PNLIPRP3: variants seen among roughly 807,000 people sequenced by gnomAD.
PNLIPRP3 encodes pancreatic lipase related protein 3.
Under a neutral mutation model 52.8 loss-of-function variants are expected in PNLIPRP3, and 58 were observed. The observed-to-expected ratio is 1.10, with a 90% CI of 0.89 to 1.37. The LOEUF is 1.37. PNLIPRP3 is among the 40% of genes most tolerant of loss of function. The pLI, the probability that PNLIPRP3 is intolerant of heterozygous loss-of-function variation, is 0.00. For synonymous variants in PNLIPRP3, 192 were observed against 185.0 expected (o/e 1.04, Z -0.31); for missense variants, 593 against 561.6 (o/e 1.06, Z -0.57).
chr10:116,470,537 T>C (rs1311857048), intron 9 of PNLIPRP3, among the ~76,000 whole-genome samples: 1 of 145,960 alleles, frequency 6.9e-6, no homozygotes, highest in Non-Finnish European at 1.5e-5. Context: ...TGAGATGGAG[T>C]CTTGCTCTGT....
intron 2 of PNLIPRP3, chr10:116,439,343 C>A (rs1845824313): frequency 4.6e-6 from 2 of 431,386 alleles, no homozygotes; most frequent in Admixed American, 2.9e-5. Context: ...TGATCATGAT[C>A]AAATTTTGTA....
intron 4 of PNLIPRP3, among the ~76,000 whole-genome samples, chr10:116,450,565 G>A (rs1469063516): frequency 1.3e-5 from 2 of 151,970 alleles, no homozygotes. Flanking sequence ...CAAACCTTTA[G>A]CTAGACTAAA....
At chr10:116,471,311 T>G (rs1846368554) in intron 9 of PNLIPRP3, among the ~76,000 whole-genome samples, 1 of 152,166 alleles carries the variant, frequency 6.6e-6, no homozygotes, top group South Asian at 2.1e-4. Context: ...ATGACTCACT[T>G]TGCCTCTAAA....
chr10:116,441,647 T>C (rs534575850), intron 2 of PNLIPRP3, among the ~76,000 whole-genome samples: 3 of 152,296 alleles, frequency 2.0e-5, no homozygotes, highest in African/African-American at 7.2e-5. Context: ...GTTTGGGCCC[T>C]ATCAGCAGAG....
At chr10:116,468,401 G>A (rs1846314213) in intron 8 of PNLIPRP3, among the ~76,000 whole-genome samples, 1 of 152,134 alleles carries the variant, frequency 6.6e-6, no homozygotes, top group Admixed American at 6.5e-5. Flanking sequence ...TGATTTTCCA[G>A]AAACACTAGC....
intron 9 of PNLIPRP3, among the ~76,000 whole-genome samples, chr10:116,470,769 A>G (rs760634408): frequency 5.3e-5 from 8 of 152,094 alleles, no homozygotes; most frequent in Non-Finnish European, 8.8e-5. Flanking sequence ...CGGACTCCCA[A>G]AGTGCTGGGA....
At chr10:116,436,961 T>C in intron 2 of PNLIPRP3, 96 bp downstream of exon 2, 2 of 1,228,234 alleles carry the variant, frequency 1.6e-6, no homozygotes, top group Non-Finnish European at 2.2e-6. Flanking sequence ...TATTCTGACA[T>C]ATGCTATTGA....
chr10:116,436,643 A>G (rs1845777859), intron 1 of PNLIPRP3, 68 bp from the exon 2 acceptor site: 1 of 1,408,842 alleles, frequency 7.1e-7, no homozygotes, highest in Non-Finnish European at 9.5e-7. Flanking sequence ...ACTTTAACTC[A>G]TAGTGAGAAA....
At chr10:116,432,747 C>A (rs905672210) in intron 1 of PNLIPRP3, among the ~76,000 whole-genome samples, 35 of 152,100 alleles carry the variant, frequency 2.3e-4, no homozygotes, top group African/African-American at 8.0e-4. Flanking sequence ...GAATAAATCC[C>A]AGGTGGGTAA....
At chr10:116,462,298 T>C (rs1846204145) in intron 7 of PNLIPRP3, among the ~76,000 whole-genome samples, 1 of 149,830 alleles carries the variant, frequency 6.7e-6, no homozygotes, top group African/African-American at 2.4e-5. Flanking sequence ...ATGAAATACA[T>C]TACCCATAAT....
intron 4 of PNLIPRP3, among the ~76,000 whole-genome samples, chr10:116,452,899 G>A (rs1419462146): frequency 2.6e-5 from 4 of 152,254 alleles, no homozygotes; most frequent in Admixed American, 6.5e-5. Context: ...GAAATGTGGG[G>A]TTGGAACCCC....
intron 10 of PNLIPRP3, among the ~76,000 whole-genome samples, chr10:116,472,484 C>A (rs1354205684): frequency 2.0e-5 from 3 of 152,148 alleles, no homozygotes; most frequent in Non-Finnish European, 4.4e-5. Context: ...TAACATTATA[C>A]CTACTAATTA....
rs1191720222 is a variant in PNLIPRP3, at chr10:116,466,040, G to A, written c.809-10G>A. 1.3e-6 allele frequency: 2 copies of A among 1,587,426 alleles called. No homozygotes were observed. The highest frequency in any genetic ancestry group is 1.3e-5 in the African/African-American group (1 of 74,428). The stretch of plus-strand genomic sequence containing the variant: ...AATTGCTATCAGTTAATTGGGAATT[G>A]TTTTCACAGAAATGGCTTCCTTCTT... On this transcript the variant is annotated splice_polypyrimidine_tract_variant and intron_variant, in intron 7 of 11. Coordinates refer to ENST00000369230, the MANE Select transcript of PNLIPRP3 (RefSeq NM_001011709.3).
intron 10 of PNLIPRP3, among the ~76,000 whole-genome samples, chr10:116,474,171 A>G (rs1318871208): frequency 6.6e-6 from 1 of 152,108 alleles, no homozygotes; most frequent in Admixed American, 6.5e-5. Context: ...TCTCTGACAA[A>G]CCTGTCAAAA....
intron 1 of PNLIPRP3, among the ~76,000 whole-genome samples, chr10:116,428,502 TACTC>T (rs1390348443): frequency 6.6e-6 from 1 of 152,170 alleles, no homozygotes; most frequent in African/African-American, 2.4e-5. Context: ...TCATAGTAGA[TACTC>T]AATAATTGAA....
intron 4 of PNLIPRP3, among the ~76,000 whole-genome samples, chr10:116,444,802 T>A (rs1845920444): frequency 6.6e-6 from 1 of 152,212 alleles, no homozygotes; most frequent in Non-Finnish European, 1.5e-5. Context: ...CTCAATCAGT[T>A]TCATCAATTG....
Position 116,444,409 on chromosome 10 carries a change from T to G in PNLIPRP3, c.352T>G (p.Cys118Gly), listed in dbSNP as rs1475024225. Residue 118 changes from cysteine to glycine, a missense_variant, in exon 4 of 12, where the codon TGC (cysteine) becomes GGC (glycine). Physicochemically the swap from Cys to Gly is radical, Grantham distance 159. Transcript: ENST00000369230. ...NVLLQLEDIN[C>G]INLDWINGSR... Reference sequence around the variant, plus strand: ...GTTGCTACAGCTGGAAGATATAAATTGCATTAATTTAGATTGGATCAACGG... The same window carrying G: ...GTTGCTACAGCTGGAAGATATAAATGGCATTAATTTAGATTGGATCAACGG... 1 of 1,610,004 alleles carries G rather than the reference T, an allele frequency of 6.2e-7. No homozygotes were observed. The highest frequency in any genetic ancestry group is 8.5e-7 in the Non-Finnish European group (1 of 1,177,578).
At chr10:116,475,833 G>T (rs974919138) in intron 10 of PNLIPRP3, among the ~76,000 whole-genome samples, 3 of 152,028 alleles carry the variant, frequency 2.0e-5, no homozygotes, top group Non-Finnish European at 4.4e-5. Context: ...AGCAACATGG[G>T]GACAAATTTA....
chr10:116,441,632 A>T (rs1356769797), intron 2 of PNLIPRP3, among the ~76,000 whole-genome samples: 1 of 152,118 alleles, frequency 6.6e-6, no homozygotes, highest in African/African-American at 2.4e-5. Context: ...CAAATCCCAC[A>T]TCTGGTTTGG....
Sources: gnomAD v4.1 joint callset for allele counts (sites outside exome capture counted in the v4.1 genomes callset) on GRCh38, gnomAD v4.1.1 for gene constraint, MANE v1.5 for transcripts, NCBI Gene and HGNC (gene_info 2026-07-23, HGNC 2026-07-21) for gene names.